MYO16: variants seen among roughly 807,000 people sequenced by gnomAD.
MYO16 encodes unconventional myosin-XVI.
MYO16 carries 94 observed loss-of-function variants against 205.3 expected under a neutral mutation model. That is an observed-to-expected ratio of 0.46 (90% CI 0.39 to 0.54). The LOEUF (loss-of-function observed/expected upper bound fraction) is 0.54, where lower values mean the gene tolerates loss of function less well. Among genes scored for constraint, MYO16 ranks in the 20% least tolerant of loss-of-function variants. The pLI is 0.00. For missense variants in MYO16, 2,315 were observed against 2,387.5 expected (o/e 0.97, Z 0.63); for synonymous variants, 988 against 954.0 (o/e 1.04, Z -0.66).
intron 28 of MYO16, among the ~76,000 whole-genome samples, chr13:109,113,165 T>TC (rs1282993061): frequency 6.6e-6 from 1 of 152,212 alleles, no homozygotes; most frequent in Admixed American, 6.5e-5. Flanking sequence ...ATGTATTGAA[T>TC]AAGTTCTAGA....
intron 4 of MYO16, among the ~76,000 whole-genome samples, chr13:108,752,480 A>G (rs1220992986): frequency 6.6e-6 from 1 of 152,214 alleles, no homozygotes; most frequent in African/African-American, 2.4e-5. Context: ...ATAACTCTGT[A>G]AGTGCAAATG....
chr13:109,079,748 A>G (rs1888224351), intron 27 of MYO16, among the ~76,000 whole-genome samples: 1 of 152,174 alleles, frequency 6.6e-6, no homozygotes, highest in Admixed American at 6.5e-5. Flanking sequence ...TGTATCTAAA[A>G]TGAAAGTTAA....
At chr13:109,082,394 C>T (rs1435861885) in intron 27 of MYO16, among the ~76,000 whole-genome samples, 1 of 152,054 alleles carries the variant, frequency 6.6e-6, no homozygotes, top group African/African-American at 2.4e-5. Flanking sequence ...AACTGAAGGG[C>T]TAGTTGTGAA....
intron 21 of MYO16, among the ~76,000 whole-genome samples, chr13:108,996,716 C>T (rs1885013591): frequency 6.6e-6 from 1 of 152,044 alleles, no homozygotes; most frequent in African/African-American, 2.4e-5. Context: ...TACATTATTC[C>T]CTTCATGATT....
intron 23 of MYO16, among the ~76,000 whole-genome samples, chr13:109,023,793 CTACATT>C (rs1886253940): frequency 7.7e-6 from 1 of 129,890 alleles, no homozygotes; most frequent in Non-Finnish European, 1.6e-5. Flanking sequence ...TATGCATATT[CTACATT>C]TATATACATA....
At chr13:108,520,032 T>C in the MYO16 span, among the ~76,000 whole-genome samples, 2 of 152,178 alleles carry the variant, frequency 1.3e-5, no homozygotes, top group Non-Finnish European at 2.9e-5. Context: ...AGAATTATTT[T>C]TGAGTGCATT....
intron 16 of MYO16, among the ~76,000 whole-genome samples, chr13:108,911,034 A>AACACACACACACACAC (rs113296282): frequency 3.2e-4 from 44 of 138,546 alleles, no homozygotes; most frequent in Admixed American, 4.4e-4. Flanking sequence ...TATAGGAGAA[A>AACACACACACACACAC]ACACACACAC....
chr13:109,031,562 G>A (rs895334760), intron 23 of MYO16, among the ~76,000 whole-genome samples: 1 of 152,102 alleles, frequency 6.6e-6, no homozygotes, highest in African/African-American at 2.4e-5. Flanking sequence ...CTGTCCCCAA[G>A]CTTATTTCTC....
At chr13:108,610,954 T>G (rs561721224) in intron 1 of MYO16, among the ~76,000 whole-genome samples, 3 of 152,114 alleles carry the variant, frequency 2.0e-5, no homozygotes, top group Non-Finnish European at 4.4e-5. Context: ...AGTTGACTCA[T>G]AGTAATAAAA....
intron 32 of MYO16, among the ~76,000 whole-genome samples, chr13:109,142,742 C>T (rs1346146232): frequency 6.6e-6 from 1 of 152,026 alleles, no homozygotes; most frequent in Non-Finnish European, 1.5e-5. Flanking sequence ...TGGAGGCCAC[C>T]ACTTTATTTA....
chr13:108,698,795 G>A (rs1883186674), intron 2 of MYO16, among the ~76,000 whole-genome samples: 1 of 152,134 alleles, frequency 6.6e-6, no homozygotes, highest in African/African-American at 2.4e-5. Context: ...AGTCTCTACT[G>A]CCTCCTTTAA....
chr13:108,544,543 C>T, the MYO16 span, among the ~76,000 whole-genome samples: 1 of 152,054 alleles, frequency 6.6e-6, no homozygotes, highest in Non-Finnish European at 1.5e-5. Context: ...CAATTATACT[C>T]TTTCAGTTAT....
At chr13:108,656,802 C>T (rs575725540) in intron 1 of MYO16, among the ~76,000 whole-genome samples, 6 of 152,230 alleles carry the variant, frequency 3.9e-5, no homozygotes, top group South Asian at 4.1e-4. Context: ...CACCAGAATC[C>T]GCTTCATTCT....
chr13:108,918,011 G>T (rs1486818113), intron 16 of MYO16, among the ~76,000 whole-genome samples: 1 of 152,216 alleles, frequency 6.6e-6, no homozygotes, highest in Non-Finnish European at 1.5e-5. Flanking sequence ...CCAGCATGGG[G>T]CAGAGTTGAT....
intron 34 of MYO16, among the ~76,000 whole-genome samples, chr13:109,188,578 T>G (rs1238395477): frequency 1.3e-5 from 2 of 152,286 alleles, no homozygotes; most frequent in East Asian, 3.9e-4. Flanking sequence ...AAGGGGAGTT[T>G]GTTAGGGAGA....
the MYO16 span, among the ~76,000 whole-genome samples, chr13:108,524,662 C>T: frequency 9.2e-5 from 14 of 152,152 alleles, no homozygotes; most frequent in African/African-American, 3.4e-4. Flanking sequence ...CTTTGAAACA[C>T]CTTCACCTTT....
the MYO16 span, among the ~76,000 whole-genome samples, chr13:108,558,741 C>A: frequency 1.2e-4 from 18 of 152,198 alleles, no homozygotes; most frequent in African/African-American, 2.4e-4. Flanking sequence ...CACAGAAAGT[C>A]CAGGGTTATG....
At chr13:109,185,797 GT>G (rs1184437458) in intron 34 of MYO16, among the ~76,000 whole-genome samples, 1 of 152,104 alleles carries the variant, frequency 6.6e-6, no homozygotes, top group Non-Finnish European at 1.5e-5. Context: ...CTTCATCCAT[GT>G]TTGCACCTTT....
At chr13:108,743,382 T>C (rs933622491) in intron 4 of MYO16, among the ~76,000 whole-genome samples, 2 of 152,176 alleles carry the variant, frequency 1.3e-5, no homozygotes, top group African/African-American at 4.8e-5. Context: ...AAGGACAAAA[T>C]ATTATTTTAA....
Sources: allele counts gnomAD v4.1 joint callset (sites outside exome capture counted in the v4.1 genomes callset), GRCh38; gene constraint gnomAD v4.1.1; transcripts MANE v1.5; gene names NCBI Gene and HGNC (gene_info 2026-07-23, HGNC 2026-07-21).